Variants in RHOA observed in about 807,000 individuals in gnomAD.
RHOA encodes the protein transforming protein RhoA.
In RHOA, 3 loss-of-function variants were observed where a neutral mutation model predicts 17.5. The ratio of observed to expected loss-of-function variants is 0.17; its 90% CI spans 0.08 to 0.44. The LOEUF is 0.44. RHOA is among the 20% of genes least tolerant of loss of function. RHOA has a pLI of 0.99. For synonymous variants in RHOA, 98 were observed against 88.4 expected, an observed-to-expected ratio of 1.11 and a Z score of -0.61; for missense variants, 56 against 242.3, an observed-to-expected ratio of 0.23 and a Z score of 5.10.
chr3:49,403,481 G>A (rs543225962), intron 1 of RHOA, among the ~76,000 whole-genome samples: 2 of 152,182 alleles, frequency 1.3e-5, no homozygotes, highest in Admixed American at 1.3e-4. Context: ...TTGTGAGGTT[G>A]AGACGAGAGA....
chr3:49,410,597 A>G (rs936623374), intron 1 of RHOA, among the ~76,000 whole-genome samples: 19 of 152,198 alleles, frequency 1.2e-4, no homozygotes, highest in African/African-American at 4.1e-4. Context: ...TTTCAGTCCA[A>G]TGTCACTTGT....
intron 1 of RHOA, among the ~76,000 whole-genome samples, chr3:49,409,940 GAA>G (rs993857864): frequency 6.6e-6 from 1 of 152,086 alleles, no homozygotes; most frequent in African/African-American, 2.4e-5. Context: ...CCTTGCTCTA[GAA>G]GTTGGTCCCT....
chr3:49,376,954 C>A (rs1425237582), intron 1 of RHOA, among the ~76,000 whole-genome samples: 2 of 151,816 alleles, frequency 1.3e-5, no homozygotes, highest in African/African-American at 4.8e-5. Flanking sequence ...CATGGAGAAA[C>A]CCCATCTCTA....
intron 1 of RHOA, among the ~76,000 whole-genome samples, chr3:49,391,674 G>A (rs547451412): frequency 6.6e-6 from 1 of 152,044 alleles, no homozygotes; most frequent in Non-Finnish European, 1.5e-5. Flanking sequence ...ACCATGCCCG[G>A]GTAATTTTGT....
At chr3:49,368,755 T>A (rs2048100124) in intron 2 of RHOA, among the ~76,000 whole-genome samples, 5 of 148,730 alleles carry the variant, frequency 3.4e-5, no homozygotes, top group Admixed American at 1.4e-4. Context: ...TCGCCCAGGC[T>A]AGAGTGCAGT....
At chr3:49,394,419 T>C (rs1456998476) in intron 1 of RHOA, among the ~76,000 whole-genome samples, 2 of 151,146 alleles carry the variant, frequency 1.3e-5, no homozygotes, top group African/African-American at 4.9e-5. Context: ...GGCATGATCT[T>C]GGCTCAATGC....
At chr3:49,363,156 T>C (rs539242268) in intron 3 of RHOA, among the ~76,000 whole-genome samples, 4 of 152,302 alleles carry the variant, frequency 2.6e-5, no homozygotes, top group South Asian at 2.1e-4. Context: ...CGGTGGCTCA[T>C]GCCTGTAATC....
chr3:49,391,399 A>C (rs536436024), intron 1 of RHOA, among the ~76,000 whole-genome samples: 1 of 151,886 alleles, frequency 6.6e-6, no homozygotes, highest in Non-Finnish European at 1.5e-5. Flanking sequence ...CAAAAAAAAA[A>C]AAAAAAGTAA....
chr3:49,411,032 G>C (rs1559523924), intron 1 of RHOA, among the ~76,000 whole-genome samples: 1 of 152,218 alleles, frequency 6.6e-6, no homozygotes, highest in African/African-American at 2.4e-5. Context: ...GATCCAATCA[G>C]TAACTAAGGT....
chr3:49,397,129 C>CAAAAAAAAAAAAAAAA (rs141767876), intron 1 of RHOA, among the ~76,000 whole-genome samples: 1 of 86,244 alleles, frequency 1.2e-5, no homozygotes, highest in Non-Finnish European at 2.2e-5. Flanking sequence ...AATCCTGTCT[C>CAAAAAAAAAAAAAAAA]AAAAAAAAAA....
At chr3:49,401,301 T>C (rs1030230992) in intron 1 of RHOA, among the ~76,000 whole-genome samples, 20 of 152,052 alleles carry the variant, frequency 1.3e-4, no homozygotes, top group Middle Eastern at 3.4e-3. Flanking sequence ...GGAGGACTGC[T>C]TGAAGCCAAG....
intron 1 of RHOA, among the ~76,000 whole-genome samples, chr3:49,390,772 G>A (rs935752359): frequency 4.6e-5 from 7 of 152,078 alleles, no homozygotes; most frequent in East Asian, 1.9e-4. Flanking sequence ...GGTAAAAGGC[G>A]TCATGGATAT....
chr3:49,402,292 A>T (rs2177268), intron 1 of RHOA, among the ~76,000 whole-genome samples: 36,165 of 152,038 alleles, frequency 0.24, 4,604 homozygotes, highest in Middle Eastern at 0.29. Flanking sequence ...GACAAAGAAA[A>T]ATGAACCATT....
chr3:49,384,096 A>T (rs2048360098), intron 1 of RHOA, among the ~76,000 whole-genome samples: 1 of 152,154 alleles, frequency 6.6e-6, no homozygotes, highest in African/African-American at 2.4e-5. Flanking sequence ...AAAAGAATAA[A>T]ATCATTTAGC....
At chr3:49,398,339 C>G (rs985284522) in intron 1 of RHOA, among the ~76,000 whole-genome samples, 1 of 150,330 alleles carries the variant, frequency 6.7e-6, no homozygotes, top group Non-Finnish European at 1.5e-5. Flanking sequence ...GGTAACAGAG[C>G]AAGACTTTGT....
At chr3:49,403,479 T>C (rs912662802) in intron 1 of RHOA, among the ~76,000 whole-genome samples, 1 of 151,882 alleles carries the variant, frequency 6.6e-6, no homozygotes, top group Admixed American at 6.6e-5. Flanking sequence ...CTTTGTGAGG[T>C]TGAGACGAGA....
chr3:49,374,356 T>C (rs2048190667), intron 2 of RHOA, among the ~76,000 whole-genome samples: 1 of 152,066 alleles, frequency 6.6e-6, no homozygotes, highest in South Asian at 2.1e-4. Flanking sequence ...AGTCCAAGCA[T>C]ACAAAGAAGT....
At chr3:49,389,903 C>CT (rs2048467094) in intron 1 of RHOA, among the ~76,000 whole-genome samples, 1 of 142,986 alleles carries the variant, frequency 7.0e-6, no homozygotes, top group Non-Finnish European at 1.5e-5. Flanking sequence ...TGCCACTGCA[C>CT]TCCAGCCTGG....
At chr3:49,374,833 A>T (rs546443540) in intron 2 of RHOA, among the ~76,000 whole-genome samples, 2 of 151,488 alleles carry the variant, frequency 1.3e-5, no homozygotes, top group African/African-American at 4.8e-5. Context: ...AAAAACAGCC[A>T]ATCACCTGCG....
Sources: gnomAD v4.1 joint callset for allele counts (sites outside exome capture counted in the v4.1 genomes callset) on GRCh38, gnomAD v4.1.1 for gene constraint, MANE v1.5 for transcripts, NCBI Gene and HGNC (gene_info 2026-07-23, HGNC 2026-07-21) for gene names.